RNGTT: variants seen among roughly 807,000 people sequenced by gnomAD.
The protein encoded by RNGTT is mRNA-capping enzyme.
In RNGTT, 33 loss-of-function variants were observed where a neutral mutation model predicts 79.3. The observed-to-expected ratio is 0.42, with a 90% CI of 0.32 to 0.56. The LOEUF (loss-of-function observed/expected upper bound fraction) is 0.56, where lower values mean the gene tolerates loss of function less well. RNGTT is among the 20% of genes least tolerant of loss of function. The pLI, the probability that RNGTT is intolerant of heterozygous loss-of-function variation, is 0.17. For synonymous variants in RNGTT, 222 were observed against 235.9 expected, an observed-to-expected ratio of 0.94 and a Z score of 0.54; for missense variants, 497 against 739.1, an observed-to-expected ratio of 0.67 and a Z score of 3.80.
At chr6:88,775,410 T>C (rs149278978) in intron 12 of RNGTT, among the ~76,000 whole-genome samples, 106 of 152,278 alleles carry the variant, frequency 7.0e-4, no homozygotes, top group African/African-American at 2.5e-3. Context: ...TCCTCAGCAC[T>C]GATAACCTTC....
intron 8 of RNGTT, among the ~76,000 whole-genome samples, chr6:88,879,308 C>A (rs1032566780): frequency 4.6e-5 from 7 of 152,148 alleles, no homozygotes; most frequent in Non-Finnish European, 1.0e-4. Flanking sequence ...GCAGGAGAAT[C>A]ACTTGAACCC....
chr6:88,634,581 GT>G (rs1016068162), intron 14 of RNGTT, among the ~76,000 whole-genome samples: 1 of 152,026 alleles, frequency 6.6e-6, no homozygotes, highest in African/African-American at 2.4e-5. Context: ...TGTATAAAGG[GT>G]TGGCTTCGAG....
At chr6:88,943,863 A>G (rs149571086) in intron 1 of RNGTT, among the ~76,000 whole-genome samples, 2 of 152,180 alleles carry the variant, frequency 1.3e-5, no homozygotes, top group Non-Finnish European at 2.9e-5. Context: ...ACCCAGTCAC[A>G]CTCACCTGAG....
chr6:88,954,419 C>A (rs952404626), intron 1 of RNGTT, among the ~76,000 whole-genome samples: 1 of 152,072 alleles, frequency 6.6e-6, no homozygotes, highest in Non-Finnish European at 1.5e-5. Flanking sequence ...AAAAAGGATT[C>A]GTCCAACAGG....
intron 8 of RNGTT, among the ~76,000 whole-genome samples, chr6:88,877,255 G>A (rs1782547103): frequency 6.6e-6 from 1 of 152,196 alleles, no homozygotes; most frequent in Admixed American, 6.5e-5. Context: ...TGCATTGAGT[G>A]CTGTATAATA....
intron 12 of RNGTT, among the ~76,000 whole-genome samples, chr6:88,798,845 T>A (rs1317390321): frequency 6.6e-6 from 1 of 152,182 alleles, no homozygotes; most frequent in Non-Finnish European, 1.5e-5. Flanking sequence ...ACATACTTAA[T>A]GGAGAAAATT....
At chr6:88,898,056 G>A (rs1006302144) in intron 6 of RNGTT, among the ~76,000 whole-genome samples, 3 of 152,018 alleles carry the variant, frequency 2.0e-5, no homozygotes, top group Non-Finnish European at 2.9e-5. Flanking sequence ...TCCTTAGTAC[G>A]TTGCTGTATA....
rs200136211 is a variant in RNGTT, at chr6:88,815,348, T to C, written c.1270-13716A>G. On this transcript the variant is annotated intron_variant, in intron 11 of 15. Transcript: ENST00000369485. The stretch of plus-strand genomic sequence containing the variant: ...CTCCCAGATTCTGCCCACGTGTCTC[T>C]CCTTTGGCTGGTTTTAGTATGTATC... Among the ~76,000 whole-genome samples, 7 of 152,168 alleles carry C rather than the reference T, an allele frequency of 4.6e-5. No homozygotes were observed. The East Asian group carries it at 1.3e-3, about 29-fold the overall frequency.
intron 13 of RNGTT, among the ~76,000 whole-genome samples, chr6:88,723,657 T>C (rs1057257346): frequency 1.1e-4 from 16 of 152,208 alleles, no homozygotes; most frequent in Non-Finnish European, 2.9e-5. Context: ...TTTGAAAATA[T>C]AAAAATCTTA....
intron 6 of RNGTT, among the ~76,000 whole-genome samples, chr6:88,896,054 T>C (rs1378519078): frequency 6.6e-6 from 1 of 152,194 alleles, no homozygotes; most frequent in Non-Finnish European, 1.5e-5. Flanking sequence ...AAGCTACTTA[T>C]TCTCCCACAG....
At chr6:88,756,300 C>G (rs1198919207) in intron 13 of RNGTT, among the ~76,000 whole-genome samples, 1 of 151,936 alleles carries the variant, frequency 6.6e-6, no homozygotes, top group African/African-American at 2.4e-5. Flanking sequence ...CGGTGAAACC[C>G]CATCTCTACT....
At chr6:88,942,954 T>C (rs941525320) in intron 1 of RNGTT, among the ~76,000 whole-genome samples, 1 of 152,194 alleles carries the variant, frequency 6.6e-6, no homozygotes, top group Non-Finnish European at 1.5e-5. Flanking sequence ...GTTTTCCTTC[T>C]AGCTCTCTGG....
chr6:88,751,364 C>A (rs923762695), intron 13 of RNGTT, among the ~76,000 whole-genome samples: 1 of 152,024 alleles, frequency 6.6e-6, no homozygotes, highest in African/African-American at 2.4e-5. Flanking sequence ...TATTAGAACA[C>A]TACCAAAAAG....
At chr6:88,623,147 G>A (rs1772500422) in intron 14 of RNGTT, among the ~76,000 whole-genome samples, 1 of 151,908 alleles carries the variant, frequency 6.6e-6, no homozygotes, top group South Asian at 2.1e-4. Flanking sequence ...GTGCCAAGGG[G>A]AGGGGAGACA....
intron 11 of RNGTT, among the ~76,000 whole-genome samples, chr6:88,831,543 C>A (rs1234427488): frequency 2.0e-5 from 3 of 152,146 alleles, no homozygotes; most frequent in Non-Finnish European, 4.4e-5. Flanking sequence ...GCAAGGATGC[C>A]CTCTCTTACC....
At chr6:88,739,725 T>TTA (rs367967175) in intron 13 of RNGTT, among the ~76,000 whole-genome samples, 1,569 of 92,734 alleles carry the variant, frequency 0.017, 55 homozygotes, top group Non-Finnish European at 0.019. Context: ...GTGAAAAAAA[T>TTA]TATATATATA....
intron 2 of RNGTT, among the ~76,000 whole-genome samples, chr6:88,936,377 TTC>T (rs2127956693): frequency 6.6e-6 from 1 of 152,364 alleles, no homozygotes; most frequent in African/African-American, 2.4e-5. Context: ...TGCCTTTTAT[TTC>T]TTTCTCTTGC....
chr6:88,649,011 G>A (rs1773692076), intron 14 of RNGTT, among the ~76,000 whole-genome samples: 1 of 152,136 alleles, frequency 6.6e-6, no homozygotes, highest in Non-Finnish European at 1.5e-5. Context: ...GCGACCTTAA[G>A]CAAAGCAATG....
At chr6:88,887,848 G>A (rs1471771648) in intron 8 of RNGTT, among the ~76,000 whole-genome samples, 2 of 152,218 alleles carry the variant, frequency 1.3e-5, no homozygotes, top group East Asian at 1.9e-4. Flanking sequence ...AGATGTGGTG[G>A]CTCATGCCTG....
Sources: allele counts gnomAD v4.1 joint callset (sites outside exome capture counted in the v4.1 genomes callset), GRCh38; gene constraint gnomAD v4.1.1; transcripts MANE v1.5; gene names NCBI Gene and HGNC (gene_info 2026-07-23, HGNC 2026-07-21).